Variants in FHOD3 observed in about 807,000 individuals in gnomAD.
FHOD3 encodes the protein formin homology 2 domain containing 3.
A neutral mutation model predicts 173.0 loss-of-function variants in FHOD3; 90 were observed. That is an observed-to-expected ratio of 0.52 (90% CI 0.44 to 0.62). FHOD3 has a LOEUF of 0.62. Ranked by LOEUF, FHOD3 falls within the 20% of genes least tolerant of loss-of-function variation. FHOD3 has a pLI of 0.00. For synonymous variants in FHOD3, 828 were observed against 823.0 expected (o/e 1.01, Z -0.10); for missense variants, 1,945 against 2,034.7 (o/e 0.96, Z 0.85).
intron 3 of FHOD3, among the ~76,000 whole-genome samples, chr18:36,427,304 A>C (rs2147181947): frequency 6.6e-6 from 1 of 151,412 alleles, no homozygotes; most frequent in South Asian, 2.1e-4. Flanking sequence ...AAAAAAAAAA[A>C]AAAAAAAAAT....
chr18:36,348,397 A>G (rs1480618979), intron 1 of FHOD3, among the ~76,000 whole-genome samples: 1 of 152,096 alleles, frequency 6.6e-6, no homozygotes, highest in Admixed American at 6.5e-5. Context: ...GGCCCTGGAG[A>G]GAGGTAGGGT....
At chr18:36,585,944 A>G (rs928757583) in intron 6 of FHOD3, among the ~76,000 whole-genome samples, 9 of 152,192 alleles carry the variant, frequency 5.9e-5, no homozygotes, top group Admixed American at 6.5e-5. Context: ...CAGAAGCAGC[A>G]CAGGCTTCTG....
chr18:36,596,310 A>G (rs2030373377), intron 7 of FHOD3, among the ~76,000 whole-genome samples: 1 of 131,554 alleles, frequency 7.6e-6, no homozygotes, highest in Admixed American at 8.0e-5. Context: ...GCCCACCACC[A>G]TGCCCAGCTA....
At chr18:36,661,117 T>C (rs1199894331) in intron 14 of FHOD3, among the ~76,000 whole-genome samples, 1 of 150,196 alleles carries the variant, frequency 6.7e-6, no homozygotes, top group Non-Finnish European at 1.5e-5. Context: ...GTTTTGTAAG[T>C]GGGGGAAAAA....
At chr18:36,649,204 TTCGTTGTTGTTG>T in intron 10 of FHOD3, 100 bp from the exon 11 acceptor site, 1 of 667,972 alleles carries the variant, frequency 1.5e-6, no homozygotes, top group Non-Finnish European at 2.4e-6. Flanking sequence ...TTATTATTAT[TTCGTTGTTGTTG>T]TTGTTGTTGT....
chr18:36,454,069 C>T (rs1173795908), intron 3 of FHOD3, among the ~76,000 whole-genome samples: 1 of 152,064 alleles, frequency 6.6e-6, no homozygotes, highest in Non-Finnish European at 1.5e-5. Context: ...TTTTAAAATC[C>T]AATGTATTTT....
intron 7 of FHOD3, among the ~76,000 whole-genome samples, chr18:36,596,631 A>G (rs569497409): frequency 6.6e-6 from 1 of 152,238 alleles, no homozygotes; most frequent in Non-Finnish European, 1.5e-5. Flanking sequence ...ATACCCTTGA[A>G]CATGCAGATA....
At chr18:36,645,847 CAT>C (rs1217084796) in intron 10 of FHOD3, among the ~76,000 whole-genome samples, 3 of 151,930 alleles carry the variant, frequency 2.0e-5, no homozygotes, top group South Asian at 2.1e-4. Context: ...AAGGAAAAAT[CAT>C]ATGATTATCT....
chr18:36,490,604 A>G (rs2054417899), intron 3 of FHOD3, among the ~76,000 whole-genome samples: 1 of 152,134 alleles, frequency 6.6e-6, no homozygotes, highest in African/African-American at 2.4e-5. Context: ...TGCCTCCTGC[A>G]ATAAGTGGGG....
intron 2 of FHOD3, among the ~76,000 whole-genome samples, chr18:36,369,597 A>G (rs919786654): frequency 2.0e-5 from 3 of 152,004 alleles, no homozygotes; most frequent in African/African-American, 4.8e-5. Context: ...ACTTACGTAT[A>G]TGTGTATATA....
At chr18:36,595,279 A>G (rs1457111892) in intron 7 of FHOD3, among the ~76,000 whole-genome samples, 1 of 151,898 alleles carries the variant, frequency 6.6e-6, no homozygotes, top group East Asian at 1.9e-4. Context: ...AGATGTTTCT[A>G]GAACCTTCTC....
intron 13 of FHOD3, 134 bp from the exon 14 acceptor site, chr18:36,657,941 T>A: frequency 1.7e-6 from 1 of 605,722 alleles, no homozygotes; most frequent in South Asian, 2.3e-5. Flanking sequence ...TTAGGTAGAA[T>A]TACCACTAAC....
At chr18:36,320,394 T>C (rs954868251) in intron 1 of FHOD3, among the ~76,000 whole-genome samples, 2 of 152,098 alleles carry the variant, frequency 1.3e-5, no homozygotes, top group African/African-American at 4.8e-5. Context: ...AAGAAATGGA[T>C]AAATTCCTGG....
intron 3 of FHOD3, among the ~76,000 whole-genome samples, chr18:36,466,263 T>G (rs991992634): frequency 2.6e-5 from 4 of 152,108 alleles, no homozygotes; most frequent in African/African-American, 9.7e-5. Flanking sequence ...TTGTCTGGGT[T>G]TCGCTATGAA....
chr18:36,573,609 AAAG>A (rs1254486319), intron 5 of FHOD3, among the ~76,000 whole-genome samples: 2 of 152,154 alleles, frequency 1.3e-5, no homozygotes, highest in African/African-American at 4.8e-5. Context: ...GTCTCAACTA[AAAG>A]AAGATTTGAG....
At chr18:36,493,213 C>CTTTTTTTTT (rs60189688) in intron 3 of FHOD3, among the ~76,000 whole-genome samples, 2 of 138,156 alleles carry the variant, frequency 1.4e-5, no homozygotes, top group African/African-American at 2.7e-5. Context: ...TTTTCTTTTT[C>CTTTTTTTTT]TTTTTTTTTT....
intron 14 of FHOD3, among the ~76,000 whole-genome samples, chr18:36,664,811 A>AGAGATT (rs1555798272): frequency 4.0e-5 from 6 of 148,916 alleles, no homozygotes; most frequent in South Asian, 2.1e-4. Context: ...AGAGAGAGAG[A>AGAGATT]GAGATTGAGA....
chr18:36,751,226 A>G (rs2042390077), intron 24 of FHOD3, among the ~76,000 whole-genome samples: 1 of 152,036 alleles, frequency 6.6e-6, no homozygotes, highest in African/African-American at 2.4e-5. Flanking sequence ...TAGGTATTTT[A>G]TTCTTTTCGT....
intron 1 of FHOD3, among the ~76,000 whole-genome samples, chr18:36,300,076 C>T (rs2091919901): frequency 6.6e-6 from 1 of 152,162 alleles, no homozygotes; most frequent in Non-Finnish European, 1.5e-5. Context: ...GTATGCCCCA[C>T]CCAGGCTCTG....
Sources: gnomAD v4.1 joint callset for allele counts (sites outside exome capture counted in the v4.1 genomes callset) on GRCh38, gnomAD v4.1.1 for gene constraint, MANE v1.5 for transcripts, NCBI Gene and HGNC (gene_info 2026-07-23, HGNC 2026-07-21) for gene names.